Variants in FKBP15 observed in about 807,000 individuals in gnomAD.
FKBP15 encodes FKBP prolyl isomerase family member 15, also known as FK506-binding protein 15.
Under a neutral mutation model 158.1 loss-of-function variants are expected in FKBP15, and 106 were observed. That is an observed-to-expected ratio of 0.67 (90% CI 0.57 to 0.79). The LOEUF (loss-of-function observed/expected upper bound fraction) is 0.79. Among genes scored for constraint, FKBP15 ranks in the 30% least tolerant of loss-of-function variants. The probability of loss-of-function intolerance (pLI) is 0.00; values close to 1 mark genes in which losing one functional copy is unlikely to be tolerated. For missense variants in FKBP15, 1,287 were observed against 1,479.1 expected, an observed-to-expected ratio of 0.87 and a Z score of 2.13; for synonymous variants, 547 against 548.6, an observed-to-expected ratio of 1.00 and a Z score of 0.04.
chr9:113,186,292 C>T lies in FKBP15; in HGVS notation c.1455G>A (p.Arg485=). Residue 485 remains arginine (R), a synonymous_variant, in exon 15 of 28, where the codon CGG becomes CGA. Coordinates refer to ENST00000238256, the MANE Select transcript of FKBP15 (RefSeq NM_015258.2). ...SAVTSQLQPV[R]PLYPAPLSQP... ...GAGAGAGCGGTGCTGGGTACAAAGG[C>T]CGAACGGGCTGCAGCTGGGAGGTGA... The T allele has an allele frequency of 6.4e-7, 1 of 1,570,704 alleles. No individual in the cohort carries two copies. The highest frequency in any genetic ancestry group is 8.6e-7 in the Non-Finnish European group (1 of 1,157,204).
Position 113,176,659 on chromosome 9 carries a change from A to G in FKBP15, c.2101T>C (p.Ser701Pro). The G allele has an allele frequency of 1.2e-6, 2 of 1,608,916 alleles. No homozygotes were observed. The highest frequency in any genetic ancestry group is 1.1e-5 in the South Asian group (1 of 89,894). ...QAKLSELQET[S>P]EQAQSKFKSE... is the part of the protein sequence containing the mutation. ...TTGAATTTGGACTGTGCTTGCTCAG[A>G]GGTTTCTTGGAGCTCTGGGATACAG... The change falls in exon 21 of 28, where the codon TCT (serine) becomes CCT (proline). Residue 701 changes from serine to proline, a missense_variant. Physicochemically the swap from Ser to Pro is moderately conservative, Grantham distance 74. Coordinates refer to ENST00000238256, the MANE Select transcript of FKBP15 (RefSeq NM_015258.2).
chr9:113,207,281 G>A lies in FKBP15; in HGVS notation c.185C>T (p.Pro62Leu), dbSNP rs775021081. The change falls in exon 3 of 28, where the codon CCA becomes CTA. Residue 62 changes from proline to leucine, a missense_variant. Physicochemically the swap from Pro to Leu is moderately conservative, Grantham distance 98 (BLOSUM62 -3). Coordinates refer to ENST00000238256, the MANE Select transcript of FKBP15 (RefSeq NM_015258.2). ...GCTCATGGTGGCTGGTGCTGTTTTT[G>A]GTGTTGCCTGATTTCCTGAAGATGA... is the stretch of plus-strand genomic sequence containing the variant. Reference protein sequence around the residue: ...GTAATGNQATPKTAPATMSTP... With the variant: ...GTAATGNQATLKTAPATMSTP... 1.2e-6 allele frequency: 2 copies of A among 1,610,498 alleles called. No homozygotes were observed. The highest frequency in any genetic ancestry group is 1.7e-6 in the Non-Finnish European group (2 of 1,178,778).
chr9:113,219,921 G>A (rs1831216465), intron 1 of FKBP15, among the ~76,000 whole-genome samples: 1 of 152,228 alleles, frequency 6.6e-6, no homozygotes, highest in South Asian at 2.1e-4. Flanking sequence ...TAAAGACGGG[G>A]TAGGAAGGGA....
intron 11 of FKBP15, among the ~76,000 whole-genome samples, chr9:113,192,991 T>C (rs16926630): frequency 0.065 from 9,841 of 152,258 alleles, 527 homozygotes; most frequent in East Asian, 0.24. Context: ...CGGTGACCAC[T>C]TATTAAAGAC....
At chr9:113,188,774 C>A (rs1830525690) in intron 12 of FKBP15, among the ~76,000 whole-genome samples, 1 of 152,182 alleles carries the variant, frequency 6.6e-6, no homozygotes, top group Non-Finnish European at 1.5e-5. Flanking sequence ...TCTGAAGCAG[C>A]TAAACTAACC....
intron 8 of FKBP15, 30 bp from the exon 9 acceptor site, chr9:113,197,108 A>C (rs1474989285): frequency 1.2e-6 from 2 of 1,605,058 alleles, no homozygotes; most frequent in Admixed American, 3.4e-5. Flanking sequence ...AAAGCTCATC[A>C]AACAAGAAGC....
At chr9:113,211,399 TCC>T (rs1428620160) in intron 2 of FKBP15, 76 bp downstream of exon 2, 1 of 1,099,840 alleles carries the variant, frequency 9.1e-7, no homozygotes, top group African/African-American at 1.6e-5. Context: ...CCTCAGGTGA[TCC>T]ACCGGCCTCG....
Position 113,177,177 on chromosome 9 carries a change from G to T in FKBP15, c.2087-504C>A, listed in dbSNP as rs565615816. Among the ~76,000 whole-genome samples, 5 of 152,222 alleles carry T rather than the reference G, an allele frequency of 3.3e-5. No individual in the cohort carries two copies. In the South Asian group the frequency reaches 6.2e-4, roughly 19 times the overall value. On this transcript the variant is annotated intron_variant, in intron 20 of 27. Transcript: ENST00000238256. ...CAGATAACTCTCATAAGTCCATTTT[G>T]GCCACCATCTTAACACACTGGACCA...
At chr9:113,201,819 T>C (rs912354489) in intron 6 of FKBP15, among the ~76,000 whole-genome samples, 3 of 152,132 alleles carry the variant, frequency 2.0e-5, no homozygotes, top group African/African-American at 4.8e-5. Context: ...TTCCAAATAG[T>C]TTTTCATGAG....
chr9:113,188,870 A>G (rs553348932), intron 12 of FKBP15, among the ~76,000 whole-genome samples: 92 of 152,372 alleles, frequency 6.0e-4, no homozygotes, highest in African/African-American at 2.1e-3. Flanking sequence ...GTCTTTTGCA[A>G]GAAATAATCC....
In FKBP15 at chr9:113,173,449, G is replaced by A; in HGVS notation, c.2532+4C>T. On this transcript the variant is annotated splice_donor_region_variant and intron_variant, in intron 23 of 27. Transcript: ENST00000238256. ...AAACTGTCTGACTCAAGAAAAATAT[G>A]TACCTTTTCCTGAAGTTGTACCAGC... The A allele has an allele frequency of 2.5e-6, 4 of 1,612,430 alleles. No homozygotes were observed. The highest frequency in any genetic ancestry group is 3.4e-6 in the Non-Finnish European group (4 of 1,178,588).
At position 113,183,860 on chromosome 9, in the gene FKBP15, T is replaced by C. The variant is rs749591477; in HGVS notation, c.1717-15A>G. 6.9e-6 allele frequency: 11 copies of C among 1,586,034 alleles called. No individual in the cohort carries two copies. Among genetic ancestry groups the C allele is most frequent in the Admixed American group, 6.7e-5 (4 of 59,812 alleles). On this transcript the variant is annotated splice_polypyrimidine_tract_variant and intron_variant, in intron 17 of 27. Transcript: ENST00000238256. ...CTTTCATTTTCCTAATTTCAAAATA[T>C]ATGATGTACAATTTAAGTGTCTTGG...
At position 113,211,474 on chromosome 9, in the gene FKBP15, T is replaced by A; in HGVS notation, c.169+3A>T. 1 of 1,602,938 alleles carries A rather than the reference T, an allele frequency of 6.2e-7. No homozygotes were observed. Among genetic ancestry groups the A allele is most frequent in the Non-Finnish European group, 8.5e-7 (1 of 1,174,566 alleles). On this transcript the variant is annotated splice_donor_region_variant and intron_variant, in intron 2 of 27. Transcript: ENST00000238256. ...TCGCTCGGCTAATACACTCTTAACTTACCTGTTGCTGCCGTTCCCTGGCCT... is the reference window on the plus strand; with the variant it reads ...TCGCTCGGCTAATACACTCTTAACTAACCTGTTGCTGCCGTTCCCTGGCCT...
chr9:113,189,781 T>C (rs1830544127), intron 12 of FKBP15, among the ~76,000 whole-genome samples: 3 of 152,192 alleles, frequency 2.0e-5, no homozygotes, highest in African/African-American at 7.2e-5. Context: ...TTATATTCAA[T>C]AAAGAACTAA....
In FKBP15 at chr9:113,161,490, A is replaced by T; in HGVS notation, c.*4588T>A. On this transcript the variant is annotated 3_prime_UTR_variant, in exon 28 of 28. Coordinates refer to ENST00000238256, the MANE Select transcript of FKBP15 (RefSeq NM_015258.2). ...GTGCTGGCCTGGCCAGGTCTCCACA[A>T]CTCTGCCTCCTTTGACAGGCATGGC... is the stretch of plus-strand genomic sequence containing the variant. 1 of 1,613,104 alleles carries T rather than the reference A, an allele frequency of 6.2e-7. No individual in the cohort carries two copies. Among genetic ancestry groups the T allele is most frequent in the Non-Finnish European group, 8.5e-7 (1 of 1,179,558 alleles).
Position 113,202,513 on chromosome 9 carries a change from A to G in FKBP15, c.498+18T>C. On this transcript the variant is annotated intron_variant, in intron 6 of 27. Transcript: ENST00000238256. ...ACAAGTATTTTGGCTTTTCACAGGGAGAGTAAGATGTTATCACCTGCTTAT... is the reference window on the plus strand; with the variant it reads ...ACAAGTATTTTGGCTTTTCACAGGGGGAGTAAGATGTTATCACCTGCTTAT... 6.5e-7 allele frequency: 1 copy of G among 1,528,352 alleles called. No homozygotes were observed. Among genetic ancestry groups the G allele is most frequent in the Non-Finnish European group, 8.9e-7 (1 of 1,123,976 alleles). The allele number at this position is 1,528,352 out of a possible 1,614,324, so 94.7% of individuals were successfully genotyped here.
At position 113,164,378 on chromosome 9, in the gene FKBP15, A is replaced by T. The variant is rs1830066679; in HGVS notation, c.*1700T>A. On this transcript the variant is annotated 3_prime_UTR_variant, in exon 28 of 28. Coordinates refer to ENST00000238256, the MANE Select transcript of FKBP15 (RefSeq NM_015258.2). ...AAGTCAAGTCATTCTTCATTCATGT[A>T]ACAAGTATTAATTGAGTACATGCTA... is the stretch of plus-strand genomic sequence containing the variant. The T allele has an allele frequency of 6.6e-6, 1 of 152,258 alleles. No individual in the cohort carries two copies. The highest frequency in any genetic ancestry group is 2.4e-5 in the African/African-American group (1 of 41,472). 9.4% of individuals were successfully genotyped at this position (152,258 alleles called of 1,614,324 possible). A position where few individuals can be genotyped will look rare whatever the true frequency, so the allele number is the denominator to read the frequency against.
At position 113,207,294 on chromosome 9, in the gene FKBP15, T is replaced by G; in HGVS notation, c.172A>C (p.Asn58His). Reference protein sequence around the residue: ...KKGQGTAATGNQATPKTAPAT... With the variant: ...KKGQGTAATGHQATPKTAPAT... ...GGTGCTGTTTTTGGTGTTGCCTGAT[T>G]TCCTGAAGATGAACAAGAAAACAAA... Residue 58 changes from asparagine (N) to histidine (H), a missense_variant and splice_region_variant, in exon 3 of 28, where the codon AAT becomes CAT. Asn to His is a moderately conservative substitution (Grantham distance 68). Transcript: ENST00000238256. 1 of 1,602,302 alleles carries G rather than the reference T, an allele frequency of 6.2e-7. No homozygotes were observed. Among genetic ancestry groups the G allele is most frequent in the Non-Finnish European group, 8.5e-7 (1 of 1,175,734 alleles).
chr9:113,174,390 C>T lies in FKBP15; in HGVS notation c.2379+38G>A, dbSNP rs760120084. ...GCTTTTCTCTCTGAGTCCTTCACAC[C>T]TTCCCTCTATTTTCAAAGTGCTTCA... On this transcript the variant is annotated intron_variant, in intron 22 of 27. Coordinates refer to ENST00000238256, the MANE Select transcript of FKBP15 (RefSeq NM_015258.2). The T allele has an allele frequency of 1.9e-6, 3 of 1,600,020 alleles. No homozygotes were observed. The East Asian group carries it at 6.7e-5, about 36-fold the overall frequency.
Sources: gnomAD v4.1 joint callset for allele counts (sites outside exome capture counted in the v4.1 genomes callset) on GRCh38, gnomAD v4.1.1 for gene constraint, MANE v1.5 for transcripts, NCBI Gene and HGNC (gene_info 2026-07-23, HGNC 2026-07-21) for gene names.